RC3H2: variants seen among roughly 807,000 people sequenced by gnomAD.
The protein encoded by RC3H2 is ring finger and CCCH-type domains 2.
In RC3H2, 31 loss-of-function variants were observed where a neutral mutation model predicts 133.3. That is an observed-to-expected ratio of 0.23 (90% CI 0.17 to 0.31). The LOEUF (loss-of-function observed/expected upper bound fraction) is 0.31. Among genes scored for constraint, RC3H2 ranks in the 10% least tolerant of loss-of-function variants. RC3H2 has a pLI of 1.00. For synonymous variants in RC3H2, 517 were observed against 502.2 expected, an observed-to-expected ratio of 1.03 and a Z score of -0.40; for missense variants, 1,175 against 1,437.2, an observed-to-expected ratio of 0.82 and a Z score of 2.95.
intron 8 of RC3H2, among the ~76,000 whole-genome samples, 176 bp from the exon 9 acceptor site, chr9:122,877,759 A>T (rs1385078498): frequency 1.3e-5 from 2 of 152,248 alleles, no homozygotes; most frequent in African/African-American, 4.8e-5. Context: ...TATGTGACAT[A>T]ACCCTGAATT....
At chr9:122,860,857 G>C (rs1475158706) in intron 10 of RC3H2, among the ~76,000 whole-genome samples, 1 of 152,082 alleles carries the variant, frequency 6.6e-6, no homozygotes, top group Non-Finnish European at 1.5e-5. Flanking sequence ...GGTAAGAAAA[G>C]AGTTGTTTTC....
intron 10 of RC3H2, among the ~76,000 whole-genome samples, chr9:122,863,871 G>A (rs1830546342): frequency 6.6e-6 from 1 of 152,124 alleles, no homozygotes. Flanking sequence ...CCAGGTAGCT[G>A]GGATTACAGG....
intron 2 of RC3H2, 63 bp downstream of exon 2, chr9:122,897,216 A>G: frequency 6.7e-7 from 1 of 1,501,354 alleles, no homozygotes; most frequent in South Asian, 1.2e-5. Context: ...ACAAGCCGTT[A>G]AAATAATGGC....
chr9:122,878,492 G>C (rs1019239974), intron 8 of RC3H2, among the ~76,000 whole-genome samples: 1 of 151,710 alleles, frequency 6.6e-6, no homozygotes, highest in Admixed American at 6.6e-5. Context: ...GGATGGTCTC[G>C]ATCTCCTGAC....
intron 3 of RC3H2, among the ~76,000 whole-genome samples, chr9:122,892,700 C>T (rs1054503991): frequency 3.9e-5 from 6 of 152,134 alleles, no homozygotes; most frequent in Admixed American, 1.3e-4. Context: ...GGTGAGCCAC[C>T]GCGCCCGGCT....
rs1037689343 is a variant in RC3H2 at position 122,845,046 on chromosome 9, A to T, written c.*4581T>A. The stretch of plus-strand genomic sequence containing the variant: ...ATGGGTGTACACCATCTTTAATTTC[A>T]TTTACATTTCAATCGAACAATAGAT... On this transcript the variant is annotated 3_prime_UTR_variant, in exon 21 of 21. Transcript: ENST00000357244. The T allele has an allele frequency of 6.6e-6, 1 of 152,162 alleles. No homozygotes were observed. The highest frequency in any genetic ancestry group is 1.5e-5 in the Non-Finnish European group (1 of 68,040). 9.4% of individuals were successfully genotyped at this position (152,162 alleles called of 1,614,324 possible).
chr9:122,880,929 T>C, intron 5 of RC3H2, 135 bp from the exon 6 acceptor site: 1 of 648,950 alleles, frequency 1.5e-6, no homozygotes, highest in Non-Finnish European at 2.7e-6. Context: ...AAAGATAAGA[T>C]AATGTCCTGA....
Position 122,857,925 on chromosome 9 carries a change from C to A in RC3H2, c.2452G>T (p.Asp818Tyr). The change falls in exon 13 of 21, where the codon GAT becomes TAT. Residue 818 changes from aspartate to tyrosine, a missense_variant and splice_region_variant. Transcript: ENST00000357244. Reference protein sequence around the residue: ...SPLFSVDFRADFSESVSGTKF... With the variant: ...SPLFSVDFRAYFSESVSGTKF... Reference sequence around the variant, plus strand: ...TAAGTAATTAAAACCTTTCTTACATCCGCACGAAAGTCTACACTGAACAGA... The same window carrying A: ...TAAGTAATTAAAACCTTTCTTACATACGCACGAAAGTCTACACTGAACAGA... 6.2e-7 allele frequency: 1 copy of A among 1,612,102 alleles called. No homozygotes were observed. Among genetic ancestry groups the A allele is most frequent in the African/African-American group, 1.3e-5 (1 of 74,972 alleles).
intron 12 of RC3H2, among the ~76,000 whole-genome samples, chr9:122,858,335 T>C (rs1364736158): frequency 6.6e-6 from 1 of 152,230 alleles, no homozygotes; most frequent in Non-Finnish European, 1.5e-5. Flanking sequence ...ATGTATGTGG[T>C]GATACTGAAA....
rs757021176 is a variant in RC3H2, at chr9:122,855,357, A to G, written c.2642T>C (p.Phe881Ser). The change falls in exon 15 of 21, where the codon TTT becomes TCT. Residue 881 changes from phenylalanine (F) to serine (S), a missense_variant. This residue lies in a region of RC3H2 where 138 missense variants were observed against 215.0 expected (regional missense o/e 0.64). Transcript: ENST00000357244. ...TTCTTTTGTCCTTCTCTGGGTTTCAAATAAATGTACTCTTCTCTTAACATC... is the reference window on the plus strand; with the variant it reads ...TTCTTTTGTCCTTCTCTGGGTTTCAGATAAATGTACTCTTCTCTTAACATC... ...SGDVKRRVHL[F>S]ETQRRTKEED... The G allele has an allele frequency of 4.3e-6, 7 of 1,613,844 alleles. No homozygotes were observed. In the African/African-American group the frequency reaches 9.3e-5, roughly 22 times the overall value.
At chr9:122,902,013 TCC>T (rs1010129104) in intron 1 of RC3H2, among the ~76,000 whole-genome samples, 2 of 147,042 alleles carry the variant, frequency 1.4e-5, no homozygotes, top group Non-Finnish European at 3.0e-5. Flanking sequence ...CACTGCAACC[TCC>T]GTCTCCCGGG....
intron 2 of RC3H2, 75 bp from the exon 3 acceptor site, chr9:122,893,101 T>A: frequency 2.0e-6 from 3 of 1,530,994 alleles, no homozygotes; most frequent in Non-Finnish European, 2.6e-6. Context: ...ATGTACTTGA[T>A]AATAATCTTG....
At chr9:122,854,692 A>G in intron 15 of RC3H2, 77 bp from the exon 16 acceptor site, 1 of 920,254 alleles carries the variant, frequency 1.1e-6, no homozygotes, top group Non-Finnish European at 1.8e-6. Flanking sequence ...ACTTCTCAAA[A>G]TAGATCTGTA....
rs371214878 is a variant in RC3H2, at chr9:122,854,090, T to C, written c.2983-4A>G. 25 of 1,612,922 alleles carry C rather than the reference T, an allele frequency of 1.5e-5. 1 individual carries two copies. In the Middle Eastern group the frequency reaches 1.2e-3, roughly 74 times the overall value. On this transcript the variant is annotated splice_region_variant and splice_polypyrimidine_tract_variant and intron_variant, in intron 17 of 20. Transcript: ENST00000357244. Reference sequence around the variant, plus strand: ...GAAGTAATGAGTTGCTCTTGGCCTATATGAGGAGGGAAAAAAAGAAAAGTT... The same window carrying C: ...GAAGTAATGAGTTGCTCTTGGCCTACATGAGGAGGGAAAAAAAGAAAAGTT...
At chr9:122,863,501 A>G (rs1025818878) in intron 10 of RC3H2, among the ~76,000 whole-genome samples, 6 of 152,078 alleles carry the variant, frequency 3.9e-5, no homozygotes, top group Admixed American at 1.3e-4. Context: ...TTTTTCTGTA[A>G]TTTCCCATAT....
Position 122,849,255 on chromosome 9 carries a change from G to A in RC3H2, c.*372C>T, listed in dbSNP as rs1380722609. The A allele has an allele frequency of 1.3e-5, 2 of 152,138 alleles. No homozygotes were observed. Among genetic ancestry groups the A allele is most frequent in the Admixed American group, 1.3e-4 (2 of 15,284 alleles). 9.4% of individuals were successfully genotyped at this position (152,138 alleles called of 1,614,324 possible). On this transcript the variant is annotated 3_prime_UTR_variant, in exon 21 of 21. Coordinates refer to ENST00000357244, the MANE Select transcript of RC3H2 (RefSeq NM_001100588.3). The stretch of plus-strand genomic sequence containing the variant: ...TACTTTCACTAGATGTATCATTGTA[G>A]GATCCTGCTAGTTTAATAACTGAGT...
chr9:122,882,188 T>C (rs1275458786), intron 5 of RC3H2, among the ~76,000 whole-genome samples: 1 of 152,208 alleles, frequency 6.6e-6, no homozygotes, highest in East Asian at 1.9e-4. Flanking sequence ...TAAAAAAAAC[T>C]ACACATTCAA....
At chr9:122,879,909 G>A (rs755470873) in intron 7 of RC3H2, 36 bp from the exon 8 acceptor site, 2 of 1,610,744 alleles carry the variant, frequency 1.2e-6, no homozygotes, top group African/African-American at 1.3e-5. Flanking sequence ...GGGTTGGGGG[G>A]GAAGAATGTT....
intron 15 of RC3H2, among the ~76,000 whole-genome samples, chr9:122,854,924 C>T (rs1417532209): frequency 1.3e-5 from 2 of 151,754 alleles, no homozygotes; most frequent in African/African-American, 4.8e-5. Flanking sequence ...GCCAACATGG[C>T]GAAACTAAAA....
Sources: allele counts gnomAD v4.1 joint callset (sites outside exome capture counted in the v4.1 genomes callset), GRCh38; gene constraint gnomAD v4.1.1; regional missense constraint gnomAD v4.1.1; transcripts MANE v1.5; gene names NCBI Gene and HGNC (gene_info 2026-07-23, HGNC 2026-07-21).